CSMD3: variants seen among roughly 807,000 people sequenced by gnomAD.
CSMD3 encodes CUB and Sushi multiple domains 3, also known as CUB and sushi domain-containing protein 3.
Under a neutral mutation model 435.2 loss-of-function variants are expected in CSMD3, and 177 were observed. The observed-to-expected ratio is 0.41, with a 90% CI of 0.36 to 0.46. The LOEUF (loss-of-function observed/expected upper bound fraction) is 0.46, where lower values mean the gene tolerates loss of function less well. Ranked by LOEUF, CSMD3 falls within the 20% of genes least tolerant of loss-of-function variation. The pLI is 0.34. For missense variants in CSMD3, 4,265 were observed against 4,504.6 expected (o/e 0.95, Z 1.52); for synonymous variants, 1,656 against 1,520.5 (o/e 1.09, Z -2.07).
intron 13 of CSMD3, among the ~76,000 whole-genome samples, chr8:112,743,799 G>A (rs908888289): frequency 2.0e-5 from 3 of 151,748 alleles, no homozygotes; most frequent in Non-Finnish European, 2.9e-5. Context: ...AAATAAAATC[G>A]TTCTGATAAA....
At chr8:112,567,194 G>C (rs1322246584) in intron 24 of CSMD3, among the ~76,000 whole-genome samples, 1 of 152,014 alleles carries the variant, frequency 6.6e-6, no homozygotes, top group Non-Finnish European at 1.5e-5. Flanking sequence ...TTAGGCCTTC[G>C]CACTTGCTAC....
At position 113,352,768 on chromosome 8, in the gene CSMD3, T is replaced by A. The variant is rs534158712; in HGVS notation, c.179-37975A>T. 7.9e-5 allele frequency among the ~76,000 whole-genome samples: 12 copies of A among 152,288 alleles called. No homozygotes were observed. The South Asian group carries it at 2.3e-3, about 29-fold the overall frequency. On this transcript the variant is annotated intron_variant, in intron 1 of 70. Coordinates refer to ENST00000297405, the MANE Select transcript of CSMD3 (RefSeq NM_198123.2). ...ACCAGGATGGCTAAAGAGCAGTAGTTGGTGGATCACAGGAATCAAGTGGTT... is the reference window on the plus strand; with the variant it reads ...ACCAGGATGGCTAAAGAGCAGTAGTAGGTGGATCACAGGAATCAAGTGGTT...
rs1344503914 is a variant in CSMD3 at position 113,254,477 on chromosome 8, T to C, written c.514+24115A>G. Among the ~76,000 whole-genome samples, 9 of 152,304 alleles carry C rather than the reference T, an allele frequency of 5.9e-5. No individual in the cohort carries two copies. The East Asian group carries it at 1.5e-3, about 26-fold the overall frequency. ...TGGCCAGGTATAGAACCCATCTGCA[T>C]AATAAAAGATTAGGGTAGGGAGGCC... is the stretch of plus-strand genomic sequence containing the variant. On this transcript the variant is annotated intron_variant, in intron 3 of 70. Transcript: ENST00000297405.
At chr8:112,911,143 A>G (rs533830809) in intron 10 of CSMD3, among the ~76,000 whole-genome samples, 15 of 151,972 alleles carry the variant, frequency 9.9e-5, no homozygotes, top group Non-Finnish European at 2.1e-4. Context: ...CTAAAGTCAT[A>G]TTACTTTTTA....
At position 113,065,336 on chromosome 8, in the gene CSMD3, A is replaced by G. The variant is rs1464968193; in HGVS notation, c.917+33420T>C. Among the ~76,000 whole-genome samples the G allele has an allele frequency of 6.6e-5, 10 of 152,184 alleles. 1 individual carries two copies. On this transcript the variant is annotated intron_variant, in intron 5 of 70. Transcript: ENST00000297405. Reference sequence around the variant, plus strand: ...CATGAAAAAGCTGTTTCAGATGATTAAAGTCCAAATAAGAGGCAAGGCATG... The same window carrying G: ...CATGAAAAAGCTGTTTCAGATGATTGAAGTCCAAATAAGAGGCAAGGCATG...
At chr8:113,334,492 C>A (rs933714878) in intron 1 of CSMD3, among the ~76,000 whole-genome samples, 2 of 151,650 alleles carry the variant, frequency 1.3e-5, no homozygotes, top group East Asian at 3.9e-4. Flanking sequence ...TGATATTTTG[C>A]TTAGGGATTT....
intron 1 of CSMD3, among the ~76,000 whole-genome samples, chr8:113,361,851 T>C (rs780954109): frequency 2.0e-4 from 31 of 152,250 alleles, no homozygotes; most frequent in Non-Finnish European, 3.7e-4. Context: ...ATAGGAAATA[T>C]AGTCCTAATG....
intron 4 of CSMD3, among the ~76,000 whole-genome samples, chr8:113,164,924 TC>T (rs1470586056): frequency 1.3e-5 from 2 of 152,158 alleles, no homozygotes; most frequent in Non-Finnish European, 2.9e-5. Flanking sequence ...GCATTAAATG[TC>T]TTTGGTGGCT....
At chr8:113,098,719 A>G in intron 5 of CSMD3, 37 bp downstream of exon 5, 2 of 1,379,822 alleles carry the variant, frequency 1.4e-6, no homozygotes, top group Non-Finnish European at 2.1e-6. Context: ...TTGCTTCAAC[A>G]ACATCAATGC....
At chr8:113,131,905 G>A (rs1383966338) in intron 4 of CSMD3, among the ~76,000 whole-genome samples, 1 of 152,186 alleles carries the variant, frequency 6.6e-6, no homozygotes, top group Non-Finnish European at 1.5e-5. Context: ...ATTTTGCTCA[G>A]GCTGGTCTCA....
intron 38 of CSMD3, among the ~76,000 whole-genome samples, chr8:112,371,323 G>A (rs1006731243): frequency 2.0e-5 from 3 of 152,044 alleles, no homozygotes; most frequent in African/African-American, 4.8e-5. Flanking sequence ...TACAGAATAC[G>A]ACATCTCAAA....
intron 22 of CSMD3, among the ~76,000 whole-genome samples, chr8:112,614,288 G>C (rs1449352699): frequency 2.0e-5 from 3 of 152,082 alleles, no homozygotes; most frequent in Non-Finnish European, 4.4e-5. Flanking sequence ...TTGCTCCCCA[G>C]AGTCTATTTG....
At chr8:112,516,473 AT>A (rs1199879822) in intron 28 of CSMD3, among the ~76,000 whole-genome samples, 2 of 152,168 alleles carry the variant, frequency 1.3e-5, no homozygotes, top group African/African-American at 4.8e-5. Context: ...ATTTGTTTTA[AT>A]TTTCTAGAGT....
At chr8:112,629,287 G>A (rs1426618651) in intron 22 of CSMD3, among the ~76,000 whole-genome samples, 1 of 151,938 alleles carries the variant, frequency 6.6e-6, no homozygotes, top group Non-Finnish European at 1.5e-5. Flanking sequence ...CTGCCCCCTT[G>A]AACTCCTGGG....
chr8:112,301,844 T>G lies in CSMD3; in HGVS notation c.8389A>C (p.Arg2797=). The change falls in exon 53 of 71, where the codon AGG becomes CGG. Residue 2797 remains arginine (R), a synonymous_variant. Transcript: ENST00000297405. The part of the protein sequence containing the change: ...LGFMLVGSAV[R]ECLSSGLWSE... ...CAAAGACCTGAGGAAAGGCATTCCC[T>G]TACAGCAGAGCCCACAAGCATGAAT... The G allele has an allele frequency of 6.2e-7, 1 of 1,613,880 alleles. No individual in the cohort carries two copies. The highest frequency in any genetic ancestry group is 8.5e-7 in the Non-Finnish European group (1 of 1,179,874).
intron 13 of CSMD3, among the ~76,000 whole-genome samples, chr8:112,738,011 A>T (rs1308563554): frequency 1.3e-5 from 2 of 151,832 alleles, no homozygotes; most frequent in Non-Finnish European, 2.9e-5. Flanking sequence ...TGATAGTTTG[A>T]TTGACAGCTA....
At chr8:112,242,936 C>G (rs1233166670) in intron 65 of CSMD3, among the ~76,000 whole-genome samples, 1 of 151,960 alleles carries the variant, frequency 6.6e-6, no homozygotes, top group African/African-American at 2.4e-5. Flanking sequence ...CTAAGTACTG[C>G]ATCTTTAGAA....
intron 13 of CSMD3, among the ~76,000 whole-genome samples, chr8:112,716,697 A>G (rs2076736912): frequency 6.6e-6 from 1 of 152,228 alleles, no homozygotes; most frequent in Admixed American, 6.5e-5. Flanking sequence ...TACGATTACC[A>G]AAACAGCATA....
chr8:112,472,788 A>T (rs1818658720), intron 31 of CSMD3, 81 bp from the exon 32 acceptor site: 2 of 760,346 alleles, frequency 2.6e-6, no homozygotes, highest in Non-Finnish European at 4.8e-6. Flanking sequence ...TCATATAAAA[A>T]ATATATGGCT....
Sources: allele counts gnomAD v4.1 joint callset (sites outside exome capture counted in the v4.1 genomes callset), GRCh38; gene constraint gnomAD v4.1.1; transcripts MANE v1.5; gene names NCBI Gene and HGNC (gene_info 2026-07-23, HGNC 2026-07-21).